Variants in MIF observed in about 807,000 individuals in gnomAD.
The protein encoded by MIF is macrophage migration inhibitory factor, also known as L-dopachrome isomerase.
Under a neutral mutation model 11.3 loss-of-function variants are expected in MIF, and 16 were observed. The ratio of observed to expected loss-of-function variants is 1.42; its 90% CI spans 0.96 to 2.16. The LOEUF is 2.16. Ranked by LOEUF, MIF falls within the 30% of genes most tolerant of loss-of-function variation. The pLI, the probability that MIF is intolerant of heterozygous loss-of-function variation, is 0.00. For missense variants in MIF, 229 were observed against 165.3 expected (o/e 1.39, Z -2.11); for synonymous variants, 83 against 74.2 (o/e 1.12, Z -0.61).
rs2033134897 is a variant in MIF, at chr22:23,895,081, G to T, written c.323G>T (p.Gly108Val). The change falls in exon 3 of 3, where the codon GGC becomes GTC. Residue 108 changes from glycine (G) to valine (V), a missense_variant. Physicochemically the swap from Gly to Val is moderately radical, Grantham distance 109. Transcript: ENST00000215754. ...NYYDMNAANV[G>V]WNNSTFA ...TACGACATGAACGCGGCCAATGTGG[G>T]CTGGAACAACTCCACCTTCGCCTAA... The T allele has an allele frequency of 1.3e-6, 2 of 1,559,320 alleles. No homozygotes were observed. The highest frequency in any genetic ancestry group is 1.7e-6 in the Non-Finnish European group (2 of 1,151,206).
rs1226483677 is a variant in MIF, at chr22:23,895,124, G to A, written c.*18G>A. 7 of 1,551,738 alleles carry A rather than the reference G, an allele frequency of 4.5e-6. No homozygotes were observed. Among genetic ancestry groups the A allele is most frequent in the Non-Finnish European group, 5.2e-6 (6 of 1,147,080 alleles). On this transcript the variant is annotated 3_prime_UTR_variant, in exon 3 of 3. Transcript: ENST00000215754. ...TCGCCTAAGAGCCGCAGGGACCCACGCTGTCTGCGCTGGCTCCACCCGGGA... is the reference window on the plus strand; with the variant it reads ...TCGCCTAAGAGCCGCAGGGACCCACACTGTCTGCGCTGGCTCCACCCGGGA...
At chr22:23,895,007 C>T in intron 2 of MIF, 33 bp from the exon 3 acceptor site, 2 of 1,540,222 alleles carry the variant, frequency 1.3e-6, no homozygotes, top group Non-Finnish European at 1.8e-6. Context: ...CGGGACTGAG[C>T]CACCCGCTGA....
rs778637083 is a variant in MIF, at chr22:23,894,438, T to C, written c.-37T>C. On this transcript the variant is annotated 5_prime_UTR_variant, in exon 1 of 3. Transcript: ENST00000215754. ...CAGCGGCGGCCGCGGCGCGTGCGTC[T>C]GTGCCTCTGCGCGGGTCTCCTGGTC... 6.5e-7 allele frequency: 1 copy of C among 1,542,280 alleles called. No homozygotes were observed. Among genetic ancestry groups the C allele is most frequent in the Non-Finnish European group, 9.0e-7 (1 of 1,116,714 alleles).
chr22:23,894,674 G>A, intron 1 of MIF, 92 bp downstream of exon 1: 13 of 1,478,412 alleles, frequency 8.8e-6, no homozygotes, highest in Non-Finnish European at 1.2e-5. Flanking sequence ...ACGGAGCTGG[G>A]GGGCGGGGCG....
chr22:23,895,046 C>A lies in MIF; in HGVS notation c.288C>A (p.Tyr96Ter). Residue 96 changes from tyrosine (Y) to a stop codon, truncating the protein, a stop_gained, in exon 3 of 3, where the codon TAC becomes TAA. Coordinates refer to ENST00000215754, the MANE Select transcript of MIF (RefSeq NM_002415.2). LOFTEE classifies it high-confidence loss of function. ...CGGCCTCCTCCCCCCGCAGGGTCTA[C>A]ATCAACTATTACGACATGAACGCGG... The part of the protein sequence containing the change: ...ERLRISPDRV[Y>*]INYYDMNAAN... The A allele has an allele frequency of 6.4e-7, 1 of 1,554,894 alleles. No homozygotes were observed. Among genetic ancestry groups the A allele is most frequent in the Non-Finnish European group, 8.7e-7 (1 of 1,148,878 alleles).
rs1569005131 is a variant in MIF at position 23,895,170 on chromosome 22, TA to T, written c.*65del. 2.7e-6 allele frequency: 4 copies of T among 1,490,478 alleles called. No homozygotes were observed. The highest frequency in any genetic ancestry group is 3.7e-6 in the Non-Finnish European group (4 of 1,091,390). The allele number at this position is 1,490,478 out of a possible 1,614,324, so 92.3% of individuals were successfully genotyped here. On this transcript the variant is annotated 3_prime_UTR_variant, in exon 3 of 3. Transcript: ENST00000215754. Reference sequence around the variant, plus strand: ...CGGGAACCCGCCGCACGCTGTGTTCTAGGCCCGCCCACCCCAACCTTCTGGT... The same window carrying T: ...CGGGAACCCGCCGCACGCTGTGTTCTGGCCCGCCCACCCCAACCTTCTGGT...
At position 23,894,876 on chromosome 22, in the gene MIF, G is replaced by T; in HGVS notation, c.213G>T (p.Ala71=). 6.4e-7 allele frequency: 1 copy of T among 1,552,292 alleles called. No individual in the cohort carries two copies. The highest frequency in any genetic ancestry group is 8.7e-7 in the Non-Finnish European group (1 of 1,151,524). The change falls in exon 2 of 3, where the codon GCG becomes GCT. Residue 71 remains alanine, a synonymous_variant. Coordinates refer to ENST00000215754, the MANE Select transcript of MIF (RefSeq NM_002415.2). ...SLHSIGKIGG[A]QNRSYSKLLC... ...ACAGCATCGGCAAGATCGGCGGCGC[G>T]CAGAACCGCTCCTACAGCAAGCTGC...
rs200995600 is a variant in MIF, at chr22:23,894,544, A to T, written c.70A>T (p.Thr24Ser). ...SVPDGFLSEL[T>S]QQLAQATGKP... is the part of the protein sequence containing the mutation. ...GCCGGACGGGTTCCTCTCCGAGCTC[A>T]CCCAGCAGCTGGCGCAGGCCACCGG... The change falls in exon 1 of 3, where the codon ACC becomes TCC. Residue 24 changes from threonine (T) to serine (S), a missense_variant. By Grantham distance (58) the Thr-to-Ser change is moderately conservative. Transcript: ENST00000215754. 1.9e-6 allele frequency: 3 copies of T among 1,612,872 alleles called. No individual in the cohort carries two copies. The East Asian group carries it at 6.7e-5, about 36-fold the overall frequency.
Position 23,895,091 on chromosome 22 carries a change from C to T in MIF, c.333C>T (p.Asn111=). ...ACGCGGCCAATGTGGGCTGGAACAA[C>T]TCCACCTTCGCCTAAGAGCCGCAGG... ...DMNAANVGWN[N]STFA The change falls in exon 3 of 3, where the codon AAC becomes AAT. Residue 111 remains asparagine (N), a synonymous_variant. Transcript: ENST00000215754. 6.4e-7 allele frequency: 1 copy of T among 1,557,668 alleles called. No homozygotes were observed. Among genetic ancestry groups the T allele is most frequent in the Non-Finnish European group, 8.7e-7 (1 of 1,150,318 alleles).
intron 1 of MIF, 72 bp downstream of exon 1, chr22:23,894,654 C>G: frequency 6.7e-7 from 1 of 1,488,874 alleles, no homozygotes; most frequent in South Asian, 1.2e-5. Context: ...GCTGGGGAGG[C>G]GACTCCTGAA....
chr22:23,894,752 A>G lies in MIF; in HGVS notation c.109-20A>G, dbSNP rs2033123845. 2.7e-6 allele frequency: 4 copies of G among 1,508,464 alleles called. No individual in the cohort carries two copies. Among genetic ancestry groups the G allele is most frequent in the Non-Finnish European group, 3.5e-6 (4 of 1,130,280 alleles). 93.4% of individuals were successfully genotyped at this position (1,508,464 alleles called of 1,614,324 possible). A position where few individuals can be genotyped will look rare whatever the true frequency, so the allele number is the denominator to read the frequency against. On this transcript the variant is annotated intron_variant, in intron 1 of 2. Coordinates refer to ENST00000215754, the MANE Select transcript of MIF (RefSeq NM_002415.2). ...CCGACGAGGTCGCTGGGGCGGGCTG[A>G]CCGCGCCCTTTCCTCGCAGTACATC...
Position 23,894,946 on chromosome 22 carries a change from T to TA in MIF, c.281+3dup, listed in dbSNP as rs753511864. 5 of 1,551,498 alleles carry TA rather than the reference T, an allele frequency of 3.2e-6. No homozygotes were observed. Among genetic ancestry groups the TA allele is most frequent in the African/African-American group, 1.4e-5 (1 of 72,866 alleles). ...GCGCCTGCGCATCAGCCCGGACAGG[T>TA]ACGCGGAGTCGCGGAGGGGCGGGGG... On this transcript the variant is annotated splice_region_variant and intron_variant, in intron 2 of 2. Transcript: ENST00000215754.
chr22:23,894,665 C>A, intron 1 of MIF, 83 bp downstream of exon 1: 1 of 899,988 alleles, frequency 1.1e-6, no homozygotes, highest in Non-Finnish European at 1.6e-6. Context: ...GACTCCTGAA[C>A]GGAGCTGGGG....
rs955043528 is a variant in MIF, at chr22:23,894,907, G to C, written c.244G>C (p.Gly82Arg). The C allele has an allele frequency of 1.3e-6, 2 of 1,553,932 alleles. No individual in the cohort carries two copies. The highest frequency in any genetic ancestry group is 1.7e-6 in the Non-Finnish European group (2 of 1,150,322). ...QNRSYSKLLC[G>R]LLAERLRISP... ...CCGCTCCTACAGCAAGCTGCTGTGC[G>C]GCCTGCTGGCCGAGCGCCTGCGCAT... Residue 82 changes from glycine (G) to arginine (R), a missense_variant, in exon 2 of 3, where the codon GGC becomes CGC. Transcript: ENST00000215754.
intron 2 of MIF, 32 bp downstream of exon 2, chr22:23,894,976 G>A: frequency 6.5e-7 from 1 of 1,543,902 alleles, no homozygotes; most frequent in Non-Finnish European, 8.7e-7. Context: ...CGGGGGAGGG[G>A]CGGCGGCGCG....
Position 23,894,479 on chromosome 22 carries a change from C to T in MIF, c.5C>T (p.Pro2Leu), listed in dbSNP as rs200500959. ...TCTCCTGGTCCTTCTGCCATCATGC[C>T]GATGTTCATCGTAAACACCAACGTG... The part of the protein sequence containing the change: M[P>L]MFIVNTNVPR... Residue 2 changes from proline to leucine, a missense_variant, in exon 1 of 3, where the codon CCG (proline) becomes CTG (leucine). Physicochemically the swap from Pro to Leu is moderately conservative, Grantham distance 98. Transcript: ENST00000215754. 10 of 1,612,762 alleles carry T rather than the reference C, an allele frequency of 6.2e-6. No homozygotes were observed. The highest frequency in any genetic ancestry group is 8.5e-6 in the Non-Finnish European group (10 of 1,179,480).
chr22:23,894,542 T>C lies in MIF; in HGVS notation c.68T>C (p.Leu23Pro), dbSNP rs1378805654. 1.2e-6 allele frequency: 2 copies of C among 1,612,962 alleles called. No homozygotes were observed. Among genetic ancestry groups the C allele is most frequent in the Admixed American group, 3.3e-5 (2 of 59,996 alleles). Reference protein sequence around the residue: ...ASVPDGFLSELTQQLAQATGK... With the variant: ...ASVPDGFLSEPTQQLAQATGK... ...GTGCCGGACGGGTTCCTCTCCGAGC[T>C]CACCCAGCAGCTGGCGCAGGCCACC... is the stretch of plus-strand genomic sequence containing the variant. The change falls in exon 1 of 3, where the codon CTC (leucine) becomes CCC (proline). Residue 23 changes from leucine to proline, a missense_variant. Leu to Pro is a moderately conservative substitution (Grantham distance 98, BLOSUM62 -3). Coordinates refer to ENST00000215754, the MANE Select transcript of MIF (RefSeq NM_002415.2).
intron 1 of MIF, 94 bp from the exon 2 acceptor site, chr22:23,894,678 C>T (rs1225565755): frequency 4.4e-6 from 2 of 452,626 alleles, no homozygotes; most frequent in African/African-American, 2.2e-5. Context: ...AGCTGGGGGG[C>T]GGGGCGGGGG....
chr22:23,894,538 G>C lies in MIF; in HGVS notation c.64G>C (p.Glu22Gln). The C allele has an allele frequency of 6.2e-7, 1 of 1,613,154 alleles. No individual in the cohort carries two copies. Among genetic ancestry groups the C allele is most frequent in the Non-Finnish European group, 8.5e-7 (1 of 1,179,790 alleles). The change falls in exon 1 of 3, where the codon GAG becomes CAG. Residue 22 changes from glutamate (E) to glutamine (Q), a missense_variant. By Grantham distance (29) the Glu-to-Gln change is conservative (BLOSUM62 2). Coordinates refer to ENST00000215754, the MANE Select transcript of MIF (RefSeq NM_002415.2). Reference sequence around the variant, plus strand: ...CTCCGTGCCGGACGGGTTCCTCTCCGAGCTCACCCAGCAGCTGGCGCAGGC... The same window carrying C: ...CTCCGTGCCGGACGGGTTCCTCTCCCAGCTCACCCAGCAGCTGGCGCAGGC... ...RASVPDGFLS[E>Q]LTQQLAQATG...
Sources: allele counts gnomAD v4.1 joint callset, GRCh38; gene constraint gnomAD v4.1.1; transcripts MANE v1.5; gene names NCBI Gene and HGNC (gene_info 2026-07-23, HGNC 2026-07-21).